GNG12: variants seen among roughly 807,000 people sequenced by gnomAD.
GNG12 encodes G protein subunit gamma 12.
For synonymous variants in GNG12, 28 were observed against 29.7 expected, an observed-to-expected ratio of 0.94 and a Z score of 0.19; for missense variants, 69 against 83.8, an observed-to-expected ratio of 0.82 and a Z score of 0.69.
At chr1:67,813,404 T>C (rs995594210) in intron 1 of GNG12, among the ~76,000 whole-genome samples, 2 of 152,192 alleles carry the variant, frequency 1.3e-5, no homozygotes, top group African/African-American at 2.4e-5. Context: ...GAAGAATTGG[T>C]ATGCTTCCTT....
In GNG12 at chr1:67,786,206, T is replaced by G. The variant is rs189240530; in HGVS notation, c.-76-8699A>C. Among the ~76,000 whole-genome samples the G allele has an allele frequency of 5.6e-4, 86 of 152,332 alleles. 2 individuals carry two copies. The East Asian group carries it at 0.015, about 26-fold the overall frequency. On this transcript the variant is annotated intron_variant, in intron 1 of 3. Coordinates refer to ENST00000370982, the MANE Select transcript of GNG12 (RefSeq NM_018841.6). ...AATATGTTACCAGTAGAAATATTTT[T>G]ATTCCATGTATATACCAATAAACAA...
intron 1 of GNG12, among the ~76,000 whole-genome samples, chr1:67,831,995 G>T (rs1215877838): frequency 6.6e-6 from 1 of 152,112 alleles, no homozygotes; most frequent in African/African-American, 2.4e-5. Context: ...GCCAAACTCC[G>T]CTTTTAAAAT....
intron 1 of GNG12, among the ~76,000 whole-genome samples, chr1:67,833,025 G>A (rs966689927): frequency 6.6e-6 from 1 of 152,012 alleles, no homozygotes; most frequent in African/African-American, 2.4e-5. Flanking sequence ...CCCAGCCACA[G>A]CCGTGGGGGC....
At chr1:67,833,012 A>AG (rs1340298984) in intron 1 of GNG12, among the ~76,000 whole-genome samples, 1 of 151,772 alleles carries the variant, frequency 6.6e-6, no homozygotes, top group African/African-American at 2.4e-5. Context: ...CCCCAGCCCT[A>AG]GCCCCAGCCA....
chr1:67,788,087 C>T (rs1307637061), intron 1 of GNG12, among the ~76,000 whole-genome samples: 1 of 152,184 alleles, frequency 6.6e-6, no homozygotes, highest in Non-Finnish European at 1.5e-5. Context: ...TCCTTTGAAC[C>T]ACGGAACCTT....
Position 67,725,243 on chromosome 1 carries a change from CT to C in GNG12, c.-26-17532del, listed in dbSNP as rs1646379062. Among the ~76,000 whole-genome samples, 4 of 152,322 alleles carry C rather than the reference CT, an allele frequency of 2.6e-5. No individual in the cohort carries two copies. The South Asian group carries it at 8.3e-4, about 32-fold the overall frequency. ...GCCCAACACTGTGGTGCAGATACTC[CT>C]AACTTTGACATGCCAAAAAATGCAA... is the stretch of plus-strand genomic sequence containing the variant. On this transcript the variant is annotated intron_variant, in intron 2 of 3. Transcript: ENST00000370982.
intron 2 of GNG12, among the ~76,000 whole-genome samples, chr1:67,747,429 T>A (rs978103275): frequency 2.0e-5 from 3 of 152,162 alleles, no homozygotes; most frequent in Non-Finnish European, 4.4e-5. Flanking sequence ...CCATAAAAAA[T>A]CTATTGAGTG....
chr1:67,738,714 A>AAAAAAT (rs2100709382), intron 2 of GNG12, among the ~76,000 whole-genome samples: 1 of 152,310 alleles, frequency 6.6e-6, no homozygotes, highest in Non-Finnish European at 1.5e-5. Context: ...CTGTCACTAC[A>AAAAAAT]AAAAATTGAA....
intron 1 of GNG12, among the ~76,000 whole-genome samples, chr1:67,829,085 C>T (rs752497787): frequency 7.2e-5 from 11 of 152,064 alleles, no homozygotes; most frequent in Non-Finnish European, 1.2e-4. Flanking sequence ...TATATATAGG[C>T]GCATTGTGGA....
intron 2 of GNG12, among the ~76,000 whole-genome samples, chr1:67,735,779 C>A (rs544401113): frequency 2.0e-5 from 3 of 152,270 alleles, no homozygotes; most frequent in South Asian, 2.1e-4. Context: ...TAAAAAAATT[C>A]TTCCATGAAA....
At chr1:67,717,957 T>C (rs1646335937) in intron 2 of GNG12, among the ~76,000 whole-genome samples, 1 of 152,206 alleles carries the variant, frequency 6.6e-6, no homozygotes, top group African/African-American at 2.4e-5. Context: ...ATAACAATAG[T>C]ACTTACCTTA....
intron 2 of GNG12, among the ~76,000 whole-genome samples, chr1:67,714,478 G>A (rs1646313547): frequency 6.6e-6 from 1 of 152,204 alleles, no homozygotes. Context: ...TCAAAGAACT[G>A]TTAAAGAGCA....
At chr1:67,707,337 T>A (rs1035881211) in intron 3 of GNG12, among the ~76,000 whole-genome samples, 26 of 152,196 alleles carry the variant, frequency 1.7e-4, no homozygotes, top group Non-Finnish European at 5.9e-5. Context: ...TTGACCATGT[T>A]CATTCAGGGG....
At chr1:67,749,376 G>A (rs1214502229) in intron 2 of GNG12, among the ~76,000 whole-genome samples, 9 of 152,180 alleles carry the variant, frequency 5.9e-5, no homozygotes, top group Non-Finnish European at 1.2e-4. Context: ...TTCCAAGGCT[G>A]TAAAGGGAAT....
chr1:67,751,169 A>G (rs1447068836), intron 2 of GNG12, among the ~76,000 whole-genome samples: 2 of 145,332 alleles, frequency 1.4e-5, no homozygotes, highest in Admixed American at 1.4e-4. Context: ...GCCCATTTAC[A>G]TGGATACACA....
At chr1:67,792,374 G>A (rs1468666711) in intron 1 of GNG12, among the ~76,000 whole-genome samples, 1 of 152,108 alleles carries the variant, frequency 6.6e-6, no homozygotes, top group African/African-American at 2.4e-5. Context: ...TTTTTCTGAT[G>A]TTCGTATTAT....
intron 1 of GNG12, among the ~76,000 whole-genome samples, chr1:67,793,775 T>C (rs562401694): frequency 8.3e-4 from 127 of 152,306 alleles, no homozygotes; most frequent in Non-Finnish European, 1.6e-3. Flanking sequence ...CTCCTCCCTG[T>C]CCCCTCCTTC....
intron 2 of GNG12, among the ~76,000 whole-genome samples, chr1:67,754,853 CCTG>C (rs1235928520): frequency 1.6e-4 from 24 of 152,204 alleles, no homozygotes; most frequent in African/African-American, 4.1e-4. Flanking sequence ...GGCACTCCAG[CCTG>C]CTACCTGACA....
At chr1:67,824,088 T>C (rs1414969487) in intron 1 of GNG12, among the ~76,000 whole-genome samples, 1 of 152,210 alleles carries the variant, frequency 6.6e-6, no homozygotes, top group Non-Finnish European at 1.5e-5. Context: ...TAAAATACCA[T>C]ATATTCTTAT....
Sources: allele counts gnomAD v4.1 joint callset (sites outside exome capture counted in the v4.1 genomes callset), GRCh38; gene constraint gnomAD v4.1.1; transcripts MANE v1.5; gene names NCBI Gene and HGNC (gene_info 2026-07-23, HGNC 2026-07-21).